WDR70: variants seen among roughly 807,000 people sequenced by gnomAD.
WDR70 encodes WD repeat domain 70.
A neutral mutation model predicts 88.6 loss-of-function variants in WDR70; 53 were observed. The ratio of observed to expected loss-of-function variants is 0.60; its 90% CI spans 0.48 to 0.75. The LOEUF (loss-of-function observed/expected upper bound fraction) is 0.75, where lower values mean the gene tolerates loss of function less well. Ranked by LOEUF, WDR70 falls within the 30% of genes least tolerant of loss-of-function variation. The pLI, the probability that WDR70 is intolerant of heterozygous loss-of-function variation, is 0.00. For missense variants in WDR70, 610 were observed against 823.2 expected (o/e 0.74, Z 3.17); for synonymous variants, 280 against 270.0 (o/e 1.04, Z -0.36).
chr5:37,493,879 C>T (rs1242014874), intron 8 of WDR70, among the ~76,000 whole-genome samples: 2 of 149,018 alleles, frequency 1.3e-5, no homozygotes, highest in East Asian at 2.0e-4. Context: ...CGCGCAGTGG[C>T]GTGATCTCTG....
rs769244246 is a variant in WDR70 at position 37,437,963 on chromosome 5, G to T, written c.534G>T (p.Leu178=). The change falls in exon 6 of 18, where the codon CTG becomes CTT. Residue 178 remains leucine (L), a synonymous_variant. Transcript: ENST00000265107. ...HKIPDSHEIT[L]KHGTKTVSAL... ...TTCCTGACTCGCATGAGATAACGCT[G>T]AAGCATGGCACTAAAACAGTAAGTT... 2.5e-6 allele frequency: 4 copies of T among 1,610,522 alleles called. No individual in the cohort carries two copies. In the South Asian group the frequency reaches 3.3e-5, roughly 13 times the overall value.
chr5:37,557,924 A>AAGAGTACTCTTTTGAATACTCTTCAAG (rs1742344642), intron 9 of WDR70, among the ~76,000 whole-genome samples: 1 of 135,544 alleles, frequency 7.4e-6, no homozygotes, highest in African/African-American at 2.6e-5. Context: ...AACTCTTCAA[A>AAGAGTACTCTTTTGAATACTCTTCAAG]AGAGTACTCT....
At chr5:37,537,806 A>G (rs1741707359) in intron 9 of WDR70, among the ~76,000 whole-genome samples, 1 of 152,164 alleles carries the variant, frequency 6.6e-6, no homozygotes, top group African/African-American at 2.4e-5. Flanking sequence ...AATAAGAATA[A>G]CCATGGTATA....
chr5:37,667,049 G>A (rs1044779150), intron 10 of WDR70, among the ~76,000 whole-genome samples: 10 of 152,180 alleles, frequency 6.6e-5, no homozygotes, highest in Admixed American at 2.0e-4. Context: ...GAGGTAACAA[G>A]TGACTGGTAG....
intron 10 of WDR70, among the ~76,000 whole-genome samples, chr5:37,609,195 ATTCTT>A (rs916346446): frequency 2.0e-5 from 3 of 152,156 alleles, no homozygotes; most frequent in Non-Finnish European, 2.9e-5. Flanking sequence ...TTTTTGGTAT[ATTCTT>A]AATATAAATA....
intron 5 of WDR70, among the ~76,000 whole-genome samples, chr5:37,426,165 G>T (rs1486565227): frequency 6.6e-6 from 1 of 152,058 alleles, no homozygotes; most frequent in Non-Finnish European, 1.5e-5. Flanking sequence ...GAGGTAGAAG[G>T]TAAATCAGGG....
chr5:37,672,298 A>G (rs1746048459), intron 10 of WDR70, among the ~76,000 whole-genome samples: 1 of 152,122 alleles, frequency 6.6e-6, no homozygotes, highest in Non-Finnish European at 1.5e-5. Flanking sequence ...ACTGTCCCCC[A>G]GCCTGACACC....
At chr5:37,611,168 G>GT (rs983677609) in intron 10 of WDR70, among the ~76,000 whole-genome samples, 2 of 151,926 alleles carry the variant, frequency 1.3e-5, no homozygotes, top group African/African-American at 2.4e-5. Context: ...CTTTTAGTGG[G>GT]TTTTTTTGTT....
chr5:37,489,683 C>G (rs919917068), intron 8 of WDR70, among the ~76,000 whole-genome samples: 3 of 151,982 alleles, frequency 2.0e-5, no homozygotes, highest in African/African-American at 7.3e-5. Flanking sequence ...CAGTGGGGCA[C>G]AGCAATCCTA....
intron 6 of WDR70, 65 bp from the exon 7 acceptor site, chr5:37,443,174 G>A: frequency 1.3e-6 from 2 of 1,515,224 alleles, no homozygotes; most frequent in East Asian, 4.9e-5. Context: ...GAACAGAAAT[G>A]GGAGGTTATA....
intron 8 of WDR70, among the ~76,000 whole-genome samples, chr5:37,512,120 C>T (rs979488017): frequency 2.0e-5 from 3 of 152,182 alleles, no homozygotes; most frequent in African/African-American, 7.2e-5. Flanking sequence ...CTTCTGGTGA[C>T]TCGGGGTATT....
At chr5:37,666,386 C>T (rs1414002394) in intron 10 of WDR70, among the ~76,000 whole-genome samples, 1 of 152,194 alleles carries the variant, frequency 6.6e-6, no homozygotes, top group East Asian at 1.9e-4. Context: ...CAGTTAGTAA[C>T]TGTGCTATTT....
chr5:37,467,886 T>G (rs1244253373), intron 7 of WDR70, among the ~76,000 whole-genome samples: 1 of 152,076 alleles, frequency 6.6e-6, no homozygotes, highest in African/African-American at 2.4e-5. Flanking sequence ...AGCTAATTTT[T>G]TGTATTTTTA....
chr5:37,528,129 G>GTA (rs1238310439), intron 9 of WDR70, among the ~76,000 whole-genome samples: 1 of 152,166 alleles, frequency 6.6e-6, no homozygotes, highest in East Asian at 1.9e-4. Context: ...CCATTACTGG[G>GTA]TATATACCCA....
At chr5:37,548,316 C>A (rs1421568410) in intron 9 of WDR70, among the ~76,000 whole-genome samples, 1 of 152,028 alleles carries the variant, frequency 6.6e-6, no homozygotes, top group Non-Finnish European at 1.5e-5. Context: ...TTGTTATTGC[C>A]TTTTGGATAA....
At chr5:37,674,840 G>A (rs1180977099) in intron 10 of WDR70, among the ~76,000 whole-genome samples, 1 of 151,664 alleles carries the variant, frequency 6.6e-6, no homozygotes, top group Non-Finnish European at 1.5e-5. Flanking sequence ...CTAGTTTACA[G>A]TCCCACCAAC....
intron 5 of WDR70, among the ~76,000 whole-genome samples, chr5:37,409,742 G>A (rs1474150928): frequency 1.3e-5 from 2 of 151,946 alleles, no homozygotes; most frequent in African/African-American, 4.8e-5. Context: ...TGAACATCAG[G>A]TGATCCACCC....
chr5:37,617,811 G>T (rs984259406), intron 10 of WDR70, among the ~76,000 whole-genome samples: 3 of 152,144 alleles, frequency 2.0e-5, no homozygotes, highest in African/African-American at 7.2e-5. Context: ...TATAGACCTT[G>T]TGCAGTATAC....
chr5:37,438,114 A>C (rs543278535), intron 6 of WDR70, 133 bp downstream of exon 6: 1 of 608,380 alleles, frequency 1.6e-6, no homozygotes, highest in South Asian at 4.5e-5. Context: ...GACATTAAGG[A>C]AAAATAGATT....
Sources: allele counts gnomAD v4.1 joint callset (sites outside exome capture counted in the v4.1 genomes callset), GRCh38; gene constraint gnomAD v4.1.1; transcripts MANE v1.5; gene names NCBI Gene and HGNC (gene_info 2026-07-23, HGNC 2026-07-21).